Variants in SLC45A2 observed in about 807,000 individuals in gnomAD.
SLC45A2 encodes membrane-associated transporter protein.
In SLC45A2, 36 loss-of-function variants were observed where a neutral mutation model predicts 45.5. That is an observed-to-expected ratio of 0.79 (90% CI 0.61 to 1.04). The LOEUF is 1.04. Among genes scored for constraint, SLC45A2 ranks in the 50% least tolerant of loss-of-function variants. SLC45A2 has a pLI of 0.00. For synonymous variants in SLC45A2, 306 were observed against 269.3 expected (o/e 1.14, Z -1.33); for missense variants, 719 against 671.0 (o/e 1.07, Z -0.79).
rs1016533844 is a variant in SLC45A2, at chr5:33,944,976, G to A, written c.1369-104C>T. 4.7e-6 allele frequency: 5 copies of A among 1,068,944 alleles called. No homozygotes were observed. In the African/African-American group the frequency reaches 7.8e-5, roughly 17 times the overall value. The allele number at this position is 1,068,944 out of a possible 1,614,324, so 66.2% of individuals were successfully genotyped here. ...GACCAGCCAGATAGTAAATACCTTT[G>A]GCTTCGTGGATTATACAGCCCTGGT... On this transcript the variant is annotated intron_variant, in intron 6 of 6. Transcript: ENST00000296589.
chr5:33,946,149 C>T (rs1751919832), intron 6 of SLC45A2: 2 of 985,416 alleles, frequency 2.0e-6, no homozygotes, highest in South Asian at 9.4e-5. Context: ...AGGTTTTCTT[C>T]CCCCAACACC....
intron 2 of SLC45A2, among the ~76,000 whole-genome samples, chr5:33,979,656 A>G (rs1213298571): frequency 2.6e-5 from 4 of 151,948 alleles, no homozygotes; most frequent in Non-Finnish European, 5.9e-5. Flanking sequence ...GTTAATACCT[A>G]ATTGCTACAA....
Position 33,959,438 on chromosome 5 carries a change from C to T in SLC45A2, c.888+4253G>A, listed in dbSNP as rs868577831. Reference sequence around the variant, plus strand: ...GAGAGTCAAAGAGTACAAGTATTCTCCTCCAGGCAGCCTGGTGTAGGGAAA... The same window carrying T: ...GAGAGTCAAAGAGTACAAGTATTCTTCTCCAGGCAGCCTGGTGTAGGGAAA... On this transcript the variant is annotated intron_variant, in intron 3 of 6. Transcript: ENST00000296589. Among the ~76,000 whole-genome samples the T allele has an allele frequency of 3.3e-5, 5 of 152,124 alleles. No homozygotes were observed. In the East Asian group the frequency reaches 5.8e-4, roughly 18 times the overall value.
intron 2 of SLC45A2, among the ~76,000 whole-genome samples, chr5:33,980,066 G>A (rs1453439986): frequency 6.6e-6 from 1 of 152,148 alleles, no homozygotes; most frequent in Non-Finnish European, 1.5e-5. Context: ...AAGCCAGAAA[G>A]TCTCCCATGA....
At chr5:33,981,829 C>T (rs942151702) in intron 2 of SLC45A2, among the ~76,000 whole-genome samples, 1 of 152,176 alleles carries the variant, frequency 6.6e-6, no homozygotes, top group African/African-American at 2.4e-5. Flanking sequence ...AATGTCTGGG[C>T]CCCGCCTTAG....
intron 2 of SLC45A2, among the ~76,000 whole-genome samples, chr5:33,978,693 A>C (rs1752996745): frequency 6.6e-6 from 1 of 152,206 alleles, no homozygotes; most frequent in South Asian, 2.1e-4. Flanking sequence ...GGGCCGAACC[A>C]ATGTATTCCT....
intron 5 of SLC45A2, among the ~76,000 whole-genome samples, chr5:33,948,864 A>G (rs1046594098): frequency 6.6e-6 from 1 of 152,242 alleles, no homozygotes; most frequent in Non-Finnish European, 1.5e-5. Context: ...TGGAAACATA[A>G]GTAACTTCAG....
chr5:33,956,934 A>C (rs1752294325), intron 3 of SLC45A2, among the ~76,000 whole-genome samples: 1 of 152,132 alleles, frequency 6.6e-6, no homozygotes, highest in Non-Finnish European at 1.5e-5. Context: ...TTATCTTTTA[A>C]TTCTATTTTT....
Position 33,982,312 on chromosome 5 carries a change from G to A in SLC45A2, c.486C>T (p.Pro162=). 7 of 1,614,146 alleles carry A rather than the reference G, an allele frequency of 4.3e-6. No individual in the cohort carries two copies. The highest frequency in any genetic ancestry group is 5.9e-6 in the Non-Finnish European group (7 of 1,180,026). The change falls in exon 2 of 7, where the codon CCC becomes CCT. Residue 162 remains proline, a synonymous_variant. Coordinates refer to ENST00000296589, the MANE Select transcript of SLC45A2 (RefSeq NM_016180.5). ...FDFAADFIDG[P]IKAYLFDVCS... ...AGACATCAAATAAGTAGGCTTTGATGGGCCCATCAATGAAGTCGGCAGCAA... is the reference window on the plus strand; with the variant it reads ...AGACATCAAATAAGTAGGCTTTGATAGGCCCATCAATGAAGTCGGCAGCAA...
chr5:33,946,732 T>C (rs1038925263), intron 6 of SLC45A2: 12 of 1,075,108 alleles, frequency 1.1e-5, no homozygotes, highest in African/African-American at 6.6e-5. Context: ...AATTCCACTA[T>C]GTACCTCTGA....
chr5:33,955,037 G>C (rs1752234499), intron 3 of SLC45A2, among the ~76,000 whole-genome samples: 1 of 152,166 alleles, frequency 6.6e-6, no homozygotes, highest in Non-Finnish European at 1.5e-5. Flanking sequence ...AATTGAAAGG[G>C]AGATTACCTG....
At chr5:33,965,529 G>A (rs913207440) in intron 2 of SLC45A2, among the ~76,000 whole-genome samples, 1 of 152,190 alleles carries the variant, frequency 6.6e-6, no homozygotes, top group Non-Finnish European at 1.5e-5. Context: ...GGGGCACAGT[G>A]AAGTAAGACA....
intron 3 of SLC45A2, among the ~76,000 whole-genome samples, chr5:33,959,638 T>C (rs1215141170): frequency 6.6e-6 from 1 of 152,192 alleles, no homozygotes; most frequent in African/African-American, 2.4e-5. Flanking sequence ...ATCAGATGAA[T>C]AGATTACTCT....
At chr5:33,946,823 A>G (rs960894327) in intron 6 of SLC45A2, 23 of 1,271,020 alleles carry the variant, frequency 1.8e-5, no homozygotes, top group Middle Eastern at 6.3e-4. Flanking sequence ...AGGTGGTTAC[A>G]GAAGACCTGG....
chr5:33,977,591 C>T lies in SLC45A2; in HGVS notation c.562+4645G>A, dbSNP rs115069826. On this transcript the variant is annotated intron_variant, in intron 2 of 6. Coordinates refer to ENST00000296589, the MANE Select transcript of SLC45A2 (RefSeq NM_016180.5). ...AGGCAGAAAAGGAGAAAGAAACTTT[C>T]GATGTGAGCAAAGACCCAGAACCTG... Among the ~76,000 whole-genome samples, 1,308 of 152,248 alleles carry T rather than the reference C, an allele frequency of 8.6e-3. 10 individuals are homozygous for T. The highest frequency in any genetic ancestry group is 0.058 in the Middle Eastern group (17 of 294).
intron 5 of SLC45A2, among the ~76,000 whole-genome samples, chr5:33,951,011 G>T (rs35397): frequency 0.64 from 96,791 of 152,164 alleles, 40,286 homozygotes; most frequent in Non-Finnish European, 0.94. Flanking sequence ...CTGCAACTTA[G>T]GTAAGTGGAG....
chr5:33,951,743 C>T (rs1752107912), intron 4 of SLC45A2, 66 bp from the exon 5 acceptor site: 3 of 1,603,174 alleles, frequency 1.9e-6, no homozygotes, highest in Non-Finnish European at 2.6e-6. Flanking sequence ...CTCATGCACT[C>T]TGCTTCTCCA....
chr5:33,945,605 C>G (rs1390575003), intron 6 of SLC45A2, among the ~76,000 whole-genome samples: 1 of 151,958 alleles, frequency 6.6e-6, no homozygotes, highest in Non-Finnish European at 1.5e-5. Flanking sequence ...ATGTTATTAT[C>G]ATTACCCCCA....
chr5:33,945,002 C>T (rs1411919947), intron 6 of SLC45A2, 130 bp from the exon 7 acceptor site: 10 of 840,632 alleles, frequency 1.2e-5, no homozygotes, highest in Non-Finnish European at 1.9e-5. Flanking sequence ...CAGCCCTGGT[C>T]ATAACTACTC....
Sources: allele counts gnomAD v4.1 joint callset (sites outside exome capture counted in the v4.1 genomes callset), GRCh38; gene constraint gnomAD v4.1.1; transcripts MANE v1.5; gene names NCBI Gene and HGNC (gene_info 2026-07-23, HGNC 2026-07-21).